Variants in SPMIP3 observed in about 807,000 individuals in gnomAD.
SPMIP3 encodes protein SPMIP3.
chr1:244,358,541 C>A, the SPMIP3 span, among the ~76,000 whole-genome samples: 1 of 150,234 alleles, frequency 6.7e-6, no homozygotes, highest in East Asian at 2.0e-4. Flanking sequence ...GCTGAGATTG[C>A]GCCACTGTAT....
the SPMIP3 span, among the ~76,000 whole-genome samples, chr1:244,376,824 T>C: frequency 1.3e-5 from 2 of 152,174 alleles, no homozygotes; most frequent in African/African-American, 4.8e-5. Flanking sequence ...CCCCTTTTTT[T>C]TTTTAGATGG....
At chr1:244,369,912 G>A in the SPMIP3 span, among the ~76,000 whole-genome samples, 121,864 of 152,032 alleles carry the variant, frequency 0.8, 49,108 homozygotes, top group South Asian at 0.93. Flanking sequence ...GACAGAGAAA[G>A]GGGAAGATGG....
At chr1:244,364,676 AT>A in the SPMIP3 span, 31 of 1,609,316 alleles carry the variant, frequency 1.9e-5, no homozygotes, top group South Asian at 3.3e-5. Flanking sequence ...TTATGCCATA[AT>A]TTTTTTTCAG....
At chr1:244,355,622 G>A in the SPMIP3 span, among the ~76,000 whole-genome samples, 3 of 152,140 alleles carry the variant, frequency 2.0e-5, no homozygotes, top group Non-Finnish European at 2.9e-5. Context: ...TCTTGACCTC[G>A]TGATTTGCCA....
the SPMIP3 span, among the ~76,000 whole-genome samples, chr1:244,352,995 T>A: frequency 6.6e-6 from 1 of 152,196 alleles, no homozygotes; most frequent in Non-Finnish European, 1.5e-5. Flanking sequence ...TTAAATAAGA[T>A]AATTGGTTCT....
At chr1:244,370,643 T>C in the SPMIP3 span, among the ~76,000 whole-genome samples, 1 of 152,220 alleles carries the variant, frequency 6.6e-6, no homozygotes, top group South Asian at 2.1e-4. Flanking sequence ...TTTATGGCTT[T>C]TCCTATTTTT....
the SPMIP3 span, among the ~76,000 whole-genome samples, chr1:244,378,166 G>A: frequency 7.2e-5 from 11 of 152,206 alleles, no homozygotes; most frequent in East Asian, 5.8e-4. Flanking sequence ...AAAGGGCACC[G>A]GGGACCTCTG....
At chr1:244,359,038 G>A in the SPMIP3 span, among the ~76,000 whole-genome samples, 1 of 151,750 alleles carries the variant, frequency 6.6e-6, no homozygotes, top group African/African-American at 2.4e-5. Flanking sequence ...GTTCAGATTT[G>A]GTATGGGGCT....
the SPMIP3 span, among the ~76,000 whole-genome samples, chr1:244,387,228 G>A: frequency 3.3e-5 from 5 of 152,028 alleles, no homozygotes; most frequent in Non-Finnish European, 7.4e-5. Context: ...AACATGGGAG[G>A]TGGAGGTTGC....
At chr1:244,357,641 G>A in the SPMIP3 span, among the ~76,000 whole-genome samples, 8 of 150,454 alleles carry the variant, frequency 5.3e-5, no homozygotes, top group African/African-American at 9.8e-5. Flanking sequence ...CCCAGGAGGT[G>A]GAGGTTGCAG....
the SPMIP3 span, among the ~76,000 whole-genome samples, chr1:244,359,773 T>C: frequency 6.6e-6 from 1 of 151,620 alleles, no homozygotes; most frequent in African/African-American, 2.4e-5. Context: ...GAATAGACAT[T>C]TCTCAAAAGA....
chr1:244,373,738 AC>A, the SPMIP3 span, among the ~76,000 whole-genome samples: 1 of 151,908 alleles, frequency 6.6e-6, no homozygotes, highest in African/African-American at 2.4e-5. Context: ...CATAGCAAAA[AC>A]CGCAATTACT....
chr1:244,371,377 G>A, the SPMIP3 span, among the ~76,000 whole-genome samples: 215 of 152,284 alleles, frequency 1.4e-3, no homozygotes, highest in African/African-American at 4.7e-3. Flanking sequence ...CACTGAGGCC[G>A]GGTAATGCAC....
the SPMIP3 span, among the ~76,000 whole-genome samples, chr1:244,370,130 C>G: frequency 6.6e-6 from 1 of 152,190 alleles, no homozygotes; most frequent in Non-Finnish European, 1.5e-5. Context: ...TTCCATCTGC[C>G]TAAATAATTT....
At chr1:244,359,335 G>A in the SPMIP3 span, among the ~76,000 whole-genome samples, 25 of 152,220 alleles carry the variant, frequency 1.6e-4, no homozygotes, top group South Asian at 1.7e-3. Context: ...CAGAATGGGA[G>A]AAAATATTTG....
chr1:244,359,304 G>A, the SPMIP3 span, among the ~76,000 whole-genome samples: 1 of 152,164 alleles, frequency 6.6e-6, no homozygotes, highest in Non-Finnish European at 1.5e-5. Flanking sequence ...CTTGCATCGC[G>A]TGGCAACCAG....
chr1:244,364,922 C>T, the SPMIP3 span, among the ~76,000 whole-genome samples: 2 of 152,178 alleles, frequency 1.3e-5, no homozygotes, highest in South Asian at 2.1e-4. Flanking sequence ...TGCAAACCTA[C>T]CGGCAAAAGT....
the SPMIP3 span, among the ~76,000 whole-genome samples, chr1:244,360,509 TACACAC>T: frequency 0.024 from 1,442 of 59,070 alleles, 20 homozygotes; most frequent in African/African-American, 0.062. Context: ...AAACGTGATA[TACACAC>T]ACACACACAC....
the SPMIP3 span, among the ~76,000 whole-genome samples, chr1:244,384,860 T>C: frequency 1.3e-5 from 2 of 152,106 alleles, no homozygotes; most frequent in East Asian, 3.9e-4. Context: ...AATATTAAGT[T>C]GTTTATCAAA....
Sources: gnomAD v4.1 joint callset for allele counts (sites outside exome capture counted in the v4.1 genomes callset) on GRCh38, gnomAD v4.1.1 for gene constraint, MANE v1.5 for transcripts, NCBI Gene and HGNC (gene_info 2026-07-23, HGNC 2026-07-21) for gene names.